IQSEC3: variants seen among roughly 807,000 people sequenced by gnomAD.
The protein encoded by IQSEC3 is IQ motif and SEC7 domain-containing protein 3.
IQSEC3 carries 50 observed loss-of-function variants against 105.4 expected under a neutral mutation model. That is an observed-to-expected ratio of 0.47 (90% CI 0.38 to 0.60). IQSEC3 has a LOEUF of 0.60. IQSEC3 is among the 20% of genes least tolerant of loss of function. The pLI is 0.00. For missense variants in IQSEC3, 1,415 were observed against 1,630.0 expected, an observed-to-expected ratio of 0.87 and a Z score of 2.27; for synonymous variants, 708 against 746.0, an observed-to-expected ratio of 0.95 and a Z score of 0.83.
chr12:119,860 TG>T (rs1555081526), intron 2 of IQSEC3, among the ~76,000 whole-genome samples: 1 of 152,164 alleles, frequency 6.6e-6, no homozygotes, highest in Non-Finnish European at 1.5e-5. Context: ...GTGGGGCTGA[TG>T]GGGCTGACAG....
chr12:99,646 A>G (rs181699368), intron 2 of IQSEC3, among the ~76,000 whole-genome samples: 110 of 152,316 alleles, frequency 7.2e-4, no homozygotes, highest in African/African-American at 2.6e-3. Flanking sequence ...CTCTTCTTCC[A>G]GTCAGCCGAG....
Position 138,553 on chromosome 12 carries a change from A to T in IQSEC3, c.1190A>T (p.Glu397Val). 1 of 1,582,522 alleles carries T rather than the reference A, an allele frequency of 6.3e-7. No individual in the cohort carries two copies. Among genetic ancestry groups the T allele is most frequent in the Non-Finnish European group, 8.5e-7 (1 of 1,171,588 alleles). ...CCCACCTTCGCAGGCACCCTCACCG[A>T]GCTGGAGGACTCCTTCACCGAGCAG... ...LPPTFAGTLT[E>V]LEDSFTEQVQ... is the part of the protein sequence containing the mutation. The change falls in exon 4 of 14, where the codon GAG (glutamate) becomes GTG (valine). Residue 397 changes from glutamate (E) to valine (V), a missense_variant. This residue lies in a region of IQSEC3 where 720 missense variants were observed against 633.0 expected (regional missense o/e 1.14). Coordinates refer to ENST00000538872, the MANE Select transcript of IQSEC3 (RefSeq NM_001170738.2). This position sits in a 1 kb window ranked among gnomAD's most constrained non-coding sequence, Gnocchi z 7.1.
Position 111,534 on chromosome 12 carries a change from C to G in IQSEC3, c.623+12320C>G, listed in dbSNP as rs572602488. The G allele has an allele frequency of 3.3e-5, 5 of 152,226 alleles. No homozygotes were observed. In the East Asian group the frequency reaches 9.7e-4, roughly 29 times the overall value. 9.4% of individuals were successfully genotyped at this position (152,226 alleles called of 1,614,324 possible). A position where few individuals can be genotyped will look rare whatever the true frequency, so the allele number is the denominator to read the frequency against. On this transcript the variant is annotated intron_variant, in intron 2 of 13. Transcript: ENST00000538872. ...CTGAGCTTTTCCCTGTGTACTCAGC[C>G]TCCCTTACTGGAGGTTTCTTACACA...
intron 1 of IQSEC3, among the ~76,000 whole-genome samples, chr12:70,422 G>C (rs539336803): frequency 4.5e-4 from 68 of 152,410 alleles, no homozygotes; most frequent in African/African-American, 1.6e-3. Flanking sequence ...AGTGAATGCA[G>C]AGATATTATG....
intron 1 of IQSEC3, among the ~76,000 whole-genome samples, chr12:74,972 G>A (rs1178171369): frequency 1.3e-5 from 2 of 152,266 alleles, no homozygotes; most frequent in African/African-American, 4.8e-5. Context: ...CTTCACAGGT[G>A]TGCAAGGCCA....
At chr12:69,128 AG>A (rs1387611531) in intron 1 of IQSEC3, among the ~76,000 whole-genome samples, 9 of 152,218 alleles carry the variant, frequency 5.9e-5, no homozygotes, top group African/African-American at 2.2e-4. Flanking sequence ...CCCTTCCCTG[AG>A]GGCAGCCACA....
chr12:108,924 A>T (rs1470341039), intron 2 of IQSEC3, among the ~76,000 whole-genome samples: 2 of 152,188 alleles, frequency 1.3e-5, no homozygotes, highest in African/African-American at 4.8e-5. Flanking sequence ...CCTGCTGGTG[A>T]CCCAGCAACT....
chr12:175,109 T>G lies in IQSEC3; in HGVS notation c.*76T>G. On this transcript the variant is annotated 3_prime_UTR_variant, in exon 14 of 14. Coordinates refer to ENST00000538872, the MANE Select transcript of IQSEC3 (RefSeq NM_001170738.2). ...TGGGCTGCCCCTCCACTGCTCCCCA[T>G]ACCCTGGCACGATGCGTTCCTGGTC... is the stretch of plus-strand genomic sequence containing the variant. The G allele has an allele frequency of 8.9e-7, 1 of 1,124,624 alleles. No individual in the cohort carries two copies. The highest frequency in any genetic ancestry group is 1.2e-6 in the Non-Finnish European group (1 of 814,492). The allele number at this position is 1,124,624 out of a possible 1,614,324, so 69.7% of individuals were successfully genotyped here.
At chr12:83,837 C>T (rs2136889134) in intron 1 of IQSEC3, among the ~76,000 whole-genome samples, 1 of 152,288 alleles carries the variant, frequency 6.6e-6, no homozygotes, top group Non-Finnish European at 1.5e-5. Context: ...TTGGTGTCCA[C>T]TCATTTATCC....
intron 1 of IQSEC3, among the ~76,000 whole-genome samples, chr12:86,409 A>G (rs1863918669): frequency 1.3e-5 from 2 of 152,176 alleles, no homozygotes; most frequent in Non-Finnish European, 2.9e-5. Context: ...TGCTGTCCCC[A>G]TAATACTGTG....
At chr12:130,872 C>G (rs1413270975) in intron 3 of IQSEC3, among the ~76,000 whole-genome samples, 1 of 152,050 alleles carries the variant, frequency 6.6e-6, no homozygotes, top group Admixed American at 6.6e-5. Flanking sequence ...CAGCCTCACA[C>G]CCGGGCTCGC....
At chr12:165,629 G>T in intron 10 of IQSEC3, 96 bp downstream of exon 10, 1 of 1,568,718 alleles carries the variant, frequency 6.4e-7, no homozygotes, top group South Asian at 1.1e-5. Flanking sequence ...AGCAGAGTGG[G>T]TGGAGGCATG....
intron 1 of IQSEC3, among the ~76,000 whole-genome samples, chr12:73,650 A>G (rs1303236801): frequency 6.6e-6 from 1 of 152,222 alleles, no homozygotes; most frequent in Non-Finnish European, 1.5e-5. Flanking sequence ...AGTCTGGGCC[A>G]CAGAGCGAGA....
rs554630944 is a variant in IQSEC3 at position 128,971 on chromosome 12, C to T, written c.903+3059C>T. ...CGTTCCTATTTGCTGTCCCGAATCT[C>T]AAGCCACCCTCACCTCTGGGCTTTT... is the stretch of plus-strand genomic sequence containing the variant. On this transcript the variant is annotated intron_variant, in intron 3 of 13. Transcript: ENST00000538872. Among the ~76,000 whole-genome samples, 6 of 152,358 alleles carry T rather than the reference C, an allele frequency of 3.9e-5. No individual in the cohort carries two copies. The East Asian group carries it at 5.8e-4, about 15-fold the overall frequency.
intron 5 of IQSEC3, among the ~76,000 whole-genome samples, chr12:155,831 AG>A (rs1866665604): frequency 1.3e-5 from 2 of 152,140 alleles, no homozygotes; most frequent in African/African-American, 4.8e-5. Context: ...GGGGCAGTGC[AG>A]GGGCTGTGCC....
chr12:103,090 G>T (rs1009326819), intron 2 of IQSEC3, among the ~76,000 whole-genome samples: 1 of 152,050 alleles, frequency 6.6e-6, no homozygotes, highest in African/African-American at 2.4e-5. Flanking sequence ...CCTACCGACC[G>T]CCTCCCTGCT....
intron 3 of IQSEC3, among the ~76,000 whole-genome samples, chr12:133,278 G>A (rs781958409): frequency 2.6e-5 from 4 of 152,224 alleles, no homozygotes; most frequent in Non-Finnish European, 4.4e-5. Context: ...CAGAGTGTAC[G>A]GGGAAAATTA....
In IQSEC3 at chr12:157,565, C is replaced by A; in HGVS notation, c.2314C>A (p.Gln772Lys). The A allele has an allele frequency of 6.2e-7, 1 of 1,614,132 alleles. No individual in the cohort carries two copies. The highest frequency in any genetic ancestry group is 8.5e-7 in the Non-Finnish European group (1 of 1,179,984). ...YCMCNPEVVQ[Q>K]FHNPDTIFIL... is the part of the protein sequence containing the mutation. ...CATGTGCAACCCCGAAGTGGTTCAG[C>A]AGTTCCACAACCCCGACACCATCTT... is the stretch of plus-strand genomic sequence containing the variant. Residue 772 changes from glutamine (Q) to lysine (K), a missense_variant, in exon 7 of 14, where the codon CAG becomes AAG. Transcript: ENST00000538872.
chr12:157,212 G>A, intron 6 of IQSEC3, 65 bp downstream of exon 6: 4 of 1,461,766 alleles, frequency 2.7e-6, no homozygotes, highest in Non-Finnish European at 1.8e-6. Context: ...GCCGCTGTGA[G>A]CCTGGGAGAC....
Sources: gnomAD v4.1 joint callset for allele counts (sites outside exome capture counted in the v4.1 genomes callset) on GRCh38, gnomAD v4.1.1 for gene constraint, gnomAD v4.1.1 regional missense constraint, Gnocchi (gnomAD v3.1) non-coding constraint, MANE v1.5 for transcripts, NCBI Gene and HGNC (gene_info 2026-07-23, HGNC 2026-07-21) for gene names.